The following TENM1 variants were observed in gnomAD, a reference collection of about 807,000 sequenced individuals.
The protein encoded by TENM1 is teneurin transmembrane protein 1.
A neutral mutation model predicts 174.8 loss-of-function variants in TENM1; 35 were observed. The observed-to-expected ratio is 0.20, with a 90% CI of 0.15 to 0.27. The LOEUF (loss-of-function observed/expected upper bound fraction) is 0.27. Among genes scored for constraint, TENM1 ranks in the 10% least tolerant of loss-of-function variants. The pLI is 1.00. For synonymous variants in TENM1, 781 were observed against 798.7 expected (o/e 0.98, Z 0.37); for missense variants, 1,633 against 2,130.1 (o/e 0.77, Z 4.59).
chrX:124,983,852 C>T, the TENM1 span, among the ~76,000 whole-genome samples: 47 of 110,839 alleles, frequency 4.2e-4, no homozygotes, highest in Non-Finnish European at 7.7e-4. Flanking sequence ...GAACTCCTGT[C>T]CTCAAGTGAT....
intron 6 of TENM1, among the ~76,000 whole-genome samples, chrX:124,658,746 C>T (rs73215131): frequency 1.1e-4 from 12 of 111,805 alleles, no homozygotes; most frequent in Non-Finnish European, 2.1e-4. Context: ...GTCCAAACAC[C>T]AAAAGACTAC....
intron 15 of TENM1, among the ~76,000 whole-genome samples, chrX:124,541,990 C>A (rs1278910713): frequency 1.8e-5 from 2 of 111,845 alleles, no homozygotes; most frequent in East Asian, 5.6e-4. Context: ...TCTGACAAAC[C>A]TAAGGCTAGC....
chrX:124,679,309 C>T (rs778183905), intron 5 of TENM1, among the ~76,000 whole-genome samples: 9 of 112,088 alleles, frequency 8.0e-5, no homozygotes, highest in East Asian at 2.8e-4. Flanking sequence ...AATGCTACAG[C>T]TGTTGTACTT....
chrX:125,002,936 A>T, the TENM1 span, among the ~76,000 whole-genome samples: 1 of 111,929 alleles, frequency 8.9e-6, no homozygotes, highest in African/African-American at 3.3e-5. Flanking sequence ...GTTAAATGGG[A>T]TTCAGAAATT....
intron 5 of TENM1, among the ~76,000 whole-genome samples, chrX:124,696,347 C>T (rs2052648725): frequency 8.9e-6 from 1 of 111,930 alleles, no homozygotes; most frequent in Admixed American, 9.5e-5. Context: ...AACTTCTTGA[C>T]TCTCTGCTAG....
At chrX:124,748,014 G>A (rs943218520) in intron 3 of TENM1, among the ~76,000 whole-genome samples, 3 of 111,684 alleles carry the variant, frequency 2.7e-5, no homozygotes, top group Non-Finnish European at 5.7e-5. Context: ...TCTGGTTTTG[G>A]TAGCCCACAC....
intron 11 of TENM1, among the ~76,000 whole-genome samples, chrX:124,616,229 A>AT (rs2050396086): frequency 8.8e-6 from 1 of 113,033 alleles, no homozygotes; most frequent in Non-Finnish European, 1.9e-5. Flanking sequence ...CAAAATGGTC[A>AT]TTTTCAGGCG....
At chrX:125,134,566 C>T in the TENM1 span, among the ~76,000 whole-genome samples, 27 of 111,884 alleles carry the variant, frequency 2.4e-4, no homozygotes, top group Admixed American at 9.4e-4. Flanking sequence ...CTAGTTTCCC[C>T]GAAACTCCCA....
In TENM1 at chrX:124,722,796, T is replaced by C. The variant is rs762215366; in HGVS notation, c.776+14161A>G. Among the ~76,000 whole-genome samples the C allele has an allele frequency of 3.6e-3, 329 of 92,478 alleles. 1 individual carries two copies. Among genetic ancestry groups the C allele is most frequent in the African/African-American group, 0.013 (311 of 23,311 alleles). 80.3% of individuals were successfully genotyped at this position (92,478 alleles called of 115,157 possible). ...CGGAGCTTGCAGTGAGCCGAGATCA[T>C]GCCACTGCACTCCAGCCTGGGCGAC... On this transcript the variant is annotated intron_variant, in intron 4 of 31. Transcript: ENST00000422452.
exon 9 of TENM1, chrX:124,646,781 T>G: frequency 8.3e-7 from 1 of 1,200,736 alleles, no homozygotes. Flanking sequence ...CCATTTCCAT[T>G]GCAATTGGTT....
At position 124,872,030 on chromosome X, in the gene TENM1, CAAAAAAAAAA is replaced by C. The variant is rs748541890; in HGVS notation, c.535+22256_535+22265del. ...CTGGCGACAGAGCGAGACTCTGTCT[CAAAAAAAAAA>C]AAAAAAAAAATAGAAGGAAGGAAAA... On this transcript the variant is annotated intron_variant, in intron 3 of 31. Transcript: ENST00000422452. Among the ~76,000 whole-genome samples, 337 of 35,311 alleles carry C rather than the reference CAAAAAAAAAA, an allele frequency of 9.5e-3. 2 individuals carry two copies. Among genetic ancestry groups the C allele is most frequent in the Admixed American group, 0.046 (134 of 2,904 alleles). The allele number at this position is 35,311 out of a possible 115,157, so 30.7% of individuals were successfully genotyped here.
intron 23 of TENM1, among the ~76,000 whole-genome samples, chrX:124,425,521 T>C (rs1363502348): frequency 1.8e-5 from 2 of 112,270 alleles, no homozygotes; most frequent in Non-Finnish European, 3.8e-5. Context: ...CATGTTTTTG[T>C]CCTCTTGCCA....
chrX:125,145,947 C>T, the TENM1 span, among the ~76,000 whole-genome samples: 1 of 111,993 alleles, frequency 8.9e-6, no homozygotes, highest in African/African-American at 3.2e-5. Context: ...TTAATTGACA[C>T]AAATGATCAA....
intron 1 of TENM1, among the ~76,000 whole-genome samples, chrX:124,915,859 A>T (rs961207101): frequency 8.0e-5 from 9 of 112,386 alleles, no homozygotes; most frequent in Non-Finnish European, 1.7e-4. Flanking sequence ...AGGTCTTAAT[A>T]AGCATCTCAG....
chrX:124,705,353 A>C, intron 4 of TENM1, 102 bp from the exon 8 acceptor site: 122 of 584,753 alleles, frequency 2.1e-4, no homozygotes, highest in Middle Eastern at 3.8e-4. Flanking sequence ...AGCCAAGCTC[A>C]AGAGAACTGG....
chrX:124,629,764 A>G (rs2148345468), intron 11 of TENM1, among the ~76,000 whole-genome samples: 1 of 112,242 alleles, frequency 8.9e-6, no homozygotes, highest in African/African-American at 3.2e-5. Flanking sequence ...CAACTTTTAT[A>G]ACATTCTGAT....
chrX:124,877,738 G>T (rs1005651121), intron 3 of TENM1, among the ~76,000 whole-genome samples: 2 of 111,254 alleles, frequency 1.8e-5, no homozygotes, highest in African/African-American at 6.5e-5. Context: ...GGTTAGAGAT[G>T]CCGACTACCA....
At chrX:124,991,259 G>A in the TENM1 span, among the ~76,000 whole-genome samples, 2 of 111,359 alleles carry the variant, frequency 1.8e-5, no homozygotes, top group African/African-American at 6.5e-5. Flanking sequence ...TGTCTTCTCT[G>A]AAACATATTT....
chrX:124,490,087 G>C (rs143082719), intron 20 of TENM1, among the ~76,000 whole-genome samples: 9 of 112,037 alleles, frequency 8.0e-5, no homozygotes, highest in African/African-American at 2.9e-4. Context: ...CATATCAAGG[G>C]ACTCGTGAAT....
Sources: gnomAD v4.1 joint callset for allele counts (sites outside exome capture counted in the v4.1 genomes callset) on GRCh38, gnomAD v4.1.1 for gene constraint, MANE v1.5 for transcripts, NCBI Gene and HGNC (gene_info 2026-07-23, HGNC 2026-07-21) for gene names.